MLLT1: variants seen among roughly 807,000 people sequenced by gnomAD.
The protein encoded by MLLT1 is protein ENL.
MLLT1 carries 11 observed loss-of-function variants against 55.1 expected under a neutral mutation model. The observed-to-expected ratio is 0.20, with a 90% confidence interval of 0.13 to 0.33. The LOEUF is 0.33. Among genes scored for constraint, MLLT1 ranks in the 10% least tolerant of loss-of-function variants. The pLI is 1.00. For synonymous variants in MLLT1, 323 were observed against 320.1 expected (o/e 1.01, Z -0.10); for missense variants, 536 against 760.6 (o/e 0.70, Z 3.47).
chr19:6,243,992 C>T (rs1415631221), intron 3 of MLLT1, among the ~76,000 whole-genome samples: 1 of 146,436 alleles, frequency 6.8e-6, no homozygotes, highest in Non-Finnish European at 1.5e-5. Context: ...TGCAGTGAGC[C>T]GAGATCACGC....
intron 3 of MLLT1, among the ~76,000 whole-genome samples, chr19:6,244,729 C>T (rs1397157310): frequency 1.3e-5 from 2 of 152,008 alleles, no homozygotes; most frequent in African/African-American, 4.8e-5. Flanking sequence ...AACTCAACAA[C>T]AAGAAAACAG....
At chr19:6,277,242 T>G (rs183445057) in intron 1 of MLLT1, among the ~76,000 whole-genome samples, 1 of 152,228 alleles carries the variant, frequency 6.6e-6, no homozygotes, top group Non-Finnish European at 1.5e-5. Flanking sequence ...CTCTCAAATT[T>G]GCATGAAAGC....
Position 6,262,604 on chromosome 19 carries a change from G to T in MLLT1, c.194-294C>A, listed in dbSNP as rs73557971. ...CATCGGGATACTTGCTCCTGCAGAG[G>T]ATGAGGAGGCTGAGGCCAGAGAAGG... is the stretch of plus-strand genomic sequence containing the variant. On this transcript the variant is annotated intron_variant, in intron 2 of 11. Coordinates refer to ENST00000252674, the MANE Select transcript of MLLT1 (RefSeq NM_005934.4). The surrounding 1 kb of genome is among the most constrained non-coding windows in gnomAD (Gnocchi z 4.4). Among the ~76,000 whole-genome samples the T allele has an allele frequency of 0.014, 2,127 of 152,310 alleles. 62 individuals are homozygous for T. The highest frequency in any genetic ancestry group is 0.046 in the African/African-American group (1,903 of 41,564).
rs1406790735 is a variant in MLLT1, at chr19:6,216,402, C to A, written c.1307+3G>T. 1.2e-6 allele frequency: 2 copies of A among 1,601,506 alleles called. No homozygotes were observed. Among genetic ancestry groups the A allele is most frequent in the Non-Finnish European group, 8.5e-7 (1 of 1,175,012 alleles). On this transcript the variant is annotated splice_donor_region_variant and intron_variant, in intron 8 of 11. Transcript: ENST00000252674. ...CGCCCCCTGGCTCCCACCGGGCCGT[C>A]ACCTGGAGTCCCTCCCCGGGTTGGT...
chr19:6,219,114 G>T lies in MLLT1; in HGVS notation c.1111-1073C>A, dbSNP rs760332567. ...CCCCCGGCCCCTCCCCTAGCATGTG[G>T]AGGAGACAGCCTCCACCCTGCAGAA... On this transcript the variant is annotated intron_variant, in intron 6 of 11. Transcript: ENST00000252674. This position sits in a 1 kb window ranked among gnomAD's most constrained non-coding sequence, Gnocchi z 4.5. Among the ~76,000 whole-genome samples, 2 of 152,112 alleles carry T rather than the reference G, an allele frequency of 1.3e-5. No homozygotes were observed. The highest frequency in any genetic ancestry group is 4.8e-5 in the African/African-American group (2 of 41,418).
At position 6,212,770 on chromosome 19, in the gene MLLT1, A is replaced by G. The variant is rs888989106; in HGVS notation, c.*272T>C. ...GGCCCCCGGCCCTGTCTCTGCCCAG[A>G]GCTGCCTTCAACACCAGCCGCTCTC... On this transcript the variant is annotated 3_prime_UTR_variant, in exon 12 of 12. Coordinates refer to ENST00000252674, the MANE Select transcript of MLLT1 (RefSeq NM_005934.4). 1.7e-5 allele frequency: 17 copies of G among 1,015,862 alleles called. No homozygotes were observed. Among genetic ancestry groups the G allele is most frequent in the Non-Finnish European group, 2.2e-5 (17 of 780,676 alleles). 62.9% of individuals were successfully genotyped at this position (1,015,862 alleles called of 1,614,324 possible).
chr19:6,232,975 C>T lies in MLLT1; in HGVS notation c.277-2262G>A, dbSNP rs564828931. Among the ~76,000 whole-genome samples the T allele has an allele frequency of 9.8e-5, 15 of 152,288 alleles. 1 individual carries two copies. Among genetic ancestry groups the T allele is most frequent in the African/African-American group, 2.9e-4 (12 of 41,558 alleles). On this transcript the variant is annotated intron_variant, in intron 3 of 11. Coordinates refer to ENST00000252674, the MANE Select transcript of MLLT1 (RefSeq NM_005934.4). ...TGCTGAGAAGCTCGAGACATCACAC[C>T]GGCTCAGTCAGCAGTGGGGACGCAA...
rs961891282 is a variant in MLLT1 at position 6,236,873 on chromosome 19, C to T, written c.277-6160G>A. Among the ~76,000 whole-genome samples, 10 of 152,336 alleles carry T rather than the reference C, an allele frequency of 6.6e-5. No individual in the cohort carries two copies. The South Asian group carries it at 2.1e-3, about 32-fold the overall frequency. On this transcript the variant is annotated intron_variant, in intron 3 of 11. Transcript: ENST00000252674. ...CCCAGGTGGGACACCCTTAGCGACT[C>T]CAGCCGGACTGTGCTGTGACCCACT...
chr19:6,234,068 G>A (rs1335026541), intron 3 of MLLT1, among the ~76,000 whole-genome samples: 1 of 152,242 alleles, frequency 6.6e-6, no homozygotes, highest in Non-Finnish European at 1.5e-5. Context: ...GGGCTGGGAA[G>A]GCTCCCTGGA....
rs1277956766 is a variant in MLLT1 at position 6,218,004 on chromosome 19, G to A, written c.1148C>T (p.Ser383Leu). 8.7e-6 allele frequency: 14 copies of A among 1,609,664 alleles called. No individual in the cohort carries two copies. The highest frequency in any genetic ancestry group is 4.0e-5 in the African/African-American group (3 of 74,624). ...QSSPSNSSSS[S>L]DSSSDSDFEP... ...GAAGTCTGAGTCTGAGCTGGAGTCT[G>A]AGCTGGAGCTGGAGTTGGACGGGCT... is the stretch of plus-strand genomic sequence containing the variant. The change falls in exon 7 of 12, where the codon TCA becomes TTA. Residue 383 changes from serine (S) to leucine (L), a missense_variant. Around this residue, in one of 3 missense-constraint regions of MLLT1, gnomAD observed 449 missense variants for 489.0 expected, o/e 0.92. Transcript: ENST00000252674.
chr19:6,274,092 C>A (rs1660862072), intron 1 of MLLT1, among the ~76,000 whole-genome samples: 2 of 152,268 alleles, frequency 1.3e-5, no homozygotes, highest in Admixed American at 1.3e-4. Flanking sequence ...TGAGCCTCAA[C>A]ACCCACTGTT....
In MLLT1 at chr19:6,212,517, C is replaced by A. The variant is rs1448065618; in HGVS notation, c.*525G>T. 5 of 1,080,818 alleles carry A rather than the reference C, an allele frequency of 4.6e-6. No homozygotes were observed. Among genetic ancestry groups the A allele is most frequent in the East Asian group, 4.9e-5 (1 of 20,390 alleles). 67.0% of individuals were successfully genotyped at this position (1,080,818 alleles called of 1,614,324 possible). ...AATAGAGAGAACTATACAGCACAGA[C>A]CCCAGCGCAGCGCGAGCCGGGGAGG... is the stretch of plus-strand genomic sequence containing the variant. On this transcript the variant is annotated 3_prime_UTR_variant, in exon 12 of 12. Coordinates refer to ENST00000252674, the MANE Select transcript of MLLT1 (RefSeq NM_005934.4).
At chr19:6,225,314 A>C (rs1160912734) in intron 5 of MLLT1, among the ~76,000 whole-genome samples, 2 of 152,208 alleles carry the variant, frequency 1.3e-5, no homozygotes, top group African/African-American at 2.4e-5. Context: ...AGGCCCCAAA[A>C]GGCCCACCTA....
intron 3 of MLLT1, among the ~76,000 whole-genome samples, chr19:6,260,183 T>C (rs1349870992): frequency 6.6e-6 from 1 of 151,318 alleles, no homozygotes; most frequent in African/African-American, 2.4e-5. Context: ...CTCTCTGCCC[T>C]CTCGACACCC....
At chr19:6,258,286 GC>G (rs1284830672) in intron 3 of MLLT1, among the ~76,000 whole-genome samples, 3 of 152,064 alleles carry the variant, frequency 2.0e-5, no homozygotes, top group African/African-American at 7.3e-5. Flanking sequence ...AAATGGTATA[GC>G]TGTCCGTCAT....
Position 6,216,433 on chromosome 19 carries a change from C to T in MLLT1, c.1279G>A (p.Gly427Ser), listed in dbSNP as rs138236281. The change falls in exon 8 of 12, where the codon GGC (glycine) becomes AGC (serine). Residue 427 changes from glycine to serine, a missense_variant. Around this residue, in one of 3 missense-constraint regions of MLLT1, gnomAD observed 449 missense variants for 489.0 expected, o/e 0.92. Transcript: ENST00000252674. ...GAGTCCCTCCCCGGGTTGGTCTTGC[C>T]GGCAGCCTCCTCGCCTGACGAAGAG... is the stretch of plus-strand genomic sequence containing the variant. ...DDSSSGEEAA[G>S]KTNPGRDSRL... is the part of the protein sequence containing the mutation. 52 of 1,608,774 alleles carry T rather than the reference C, an allele frequency of 3.2e-5. No individual in the cohort carries two copies. The highest frequency in any genetic ancestry group is 3.3e-5 in the Non-Finnish European group (39 of 1,178,554).
intron 2 of MLLT1, among the ~76,000 whole-genome samples, chr19:6,269,638 G>C (rs967918456): frequency 5.9e-5 from 9 of 152,130 alleles, no homozygotes; most frequent in Non-Finnish European, 1.0e-4. Context: ...CCTGGGTCCC[G>C]GGTCCCGGGA....
chr19:6,264,080 G>A (rs1331096892), intron 2 of MLLT1, among the ~76,000 whole-genome samples: 1 of 152,046 alleles, frequency 6.6e-6, no homozygotes, highest in Non-Finnish European at 1.5e-5. Context: ...TACTGAAAAC[G>A]CTAACTGTAC....
intron 3 of MLLT1, among the ~76,000 whole-genome samples, chr19:6,246,546 C>T (rs1460283132): frequency 7.2e-5 from 11 of 151,998 alleles, no homozygotes; most frequent in Admixed American, 7.2e-4. Context: ...AAAAGGGCTA[C>T]ATATTGTCTG....
Sources: gnomAD v4.1 joint callset for allele counts (sites outside exome capture counted in the v4.1 genomes callset) on GRCh38, gnomAD v4.1.1 for gene constraint, gnomAD v4.1.1 regional missense constraint, Gnocchi (gnomAD v3.1) non-coding constraint, MANE v1.5 for transcripts, NCBI Gene and HGNC (gene_info 2026-07-23, HGNC 2026-07-21) for gene names.